WDR7: variants seen among roughly 807,000 people sequenced by gnomAD.
WDR7 encodes WD repeat-containing protein 7.
A neutral mutation model predicts 169.4 loss-of-function variants in WDR7; 46 were observed. The observed-to-expected ratio is 0.27, with a 90% CI of 0.21 to 0.35. The LOEUF (loss-of-function observed/expected upper bound fraction) is 0.35. Ranked by LOEUF, WDR7 falls within the 10% of genes least tolerant of loss-of-function variation. WDR7 has a pLI of 1.00. For synonymous variants in WDR7, 612 were observed against 666.8 expected, an observed-to-expected ratio of 0.92 and a Z score of 1.27; for missense variants, 1,534 against 1,859.3, an observed-to-expected ratio of 0.83 and a Z score of 3.22.
chr18:56,800,829 T>A lies in WDR7; in HGVS notation c.3191-15202T>A, dbSNP rs2044661038. ...GCTCCCTGCTCATCTGTATTTTCCC[T>A]GCCTTCCGTAGAATCAGTCATTTCT... On this transcript the variant is annotated intron_variant, in intron 19 of 27. Transcript: ENST00000254442. Among the ~76,000 whole-genome samples, 4 of 152,342 alleles carry A rather than the reference T, an allele frequency of 2.6e-5. No homozygotes were observed. The South Asian group carries it at 8.3e-4, about 32-fold the overall frequency.
At chr18:56,787,605 G>A (rs968037121) in intron 19 of WDR7, among the ~76,000 whole-genome samples, 2 of 152,026 alleles carry the variant, frequency 1.3e-5, no homozygotes, top group African/African-American at 4.8e-5. Context: ...GGTTAGGCTC[G>A]TCTTTTTATC....
At chr18:56,732,310 T>G (rs1412765997) in intron 14 of WDR7, among the ~76,000 whole-genome samples, 1 of 152,206 alleles carries the variant, frequency 6.6e-6, no homozygotes, top group Admixed American at 6.5e-5. Flanking sequence ...AATGGATAAA[T>G]CAAACCTAGA....
chr18:56,836,419 T>A (rs972086527), intron 20 of WDR7, among the ~76,000 whole-genome samples: 1 of 152,214 alleles, frequency 6.6e-6, no homozygotes, highest in Admixed American at 6.5e-5. Context: ...GCGGATCCTG[T>A]CAGCACATGT....
At chr18:57,013,121 TC>T (rs2048159782) in intron 26 of WDR7, among the ~76,000 whole-genome samples, 1 of 152,098 alleles carries the variant, frequency 6.6e-6, no homozygotes, top group Non-Finnish European at 1.5e-5. Flanking sequence ...ATGAAACTGT[TC>T]CTCCTCAGAT....
At chr18:56,949,156 T>TCTCTCCCTGTC (rs879455948) in intron 25 of WDR7, among the ~76,000 whole-genome samples, 3 of 143,860 alleles carry the variant, frequency 2.1e-5, no homozygotes, top group Admixed American at 6.9e-5. Flanking sequence ...CTCTCTCTCT[T>TCTCTCCCTGTC]TCCCTTTGGC....
At chr18:57,030,534 G>A (rs919564570), downstream of WDR7, 2 of 152,178 alleles carry the variant, frequency 1.3e-5, no homozygotes, top group African/African-American at 2.4e-5. Flanking sequence ...CTGATCAAAT[G>A]TGGAAAGGCG....
At chr18:56,932,874 GGTGTGTGTGTGTGT>G (rs34838445) in intron 22 of WDR7, among the ~76,000 whole-genome samples, 1 of 131,922 alleles carries the variant, frequency 7.6e-6, no homozygotes, top group Non-Finnish European at 1.5e-5. Flanking sequence ...CTTCATTCTG[GGTGTGTGTGTGTGT>G]GTGTGTGTGT....
chr18:56,719,637 G>A (rs2026276183), intron 13 of WDR7, among the ~76,000 whole-genome samples: 1 of 150,416 alleles, frequency 6.6e-6, no homozygotes, highest in East Asian at 1.9e-4. Context: ...GTGTCTTTAT[G>A]TTATGTCCTA....
At chr18:56,767,121 C>G (rs909296498) in intron 16 of WDR7, among the ~76,000 whole-genome samples, 4 of 152,090 alleles carry the variant, frequency 2.6e-5, no homozygotes, top group African/African-American at 9.7e-5. Context: ...TGAATTACTC[C>G]CTATTACTGA....
intron 13 of WDR7, 25 bp from the exon 14 acceptor site, chr18:56,731,358 A>G (rs1249758191): frequency 1.2e-6 from 2 of 1,606,670 alleles, no homozygotes; most frequent in Non-Finnish European, 1.7e-6. Flanking sequence ...GTTATGAAAT[A>G]TTTGTGAATA....
At chr18:56,897,154 C>G (rs2046342582) in intron 21 of WDR7, among the ~76,000 whole-genome samples, 2 of 151,872 alleles carry the variant, frequency 1.3e-5, no homozygotes, top group Non-Finnish European at 2.9e-5. Context: ...CCAACATTAT[C>G]AAGTTTTGTG....
At chr18:56,843,838 G>A (rs886738060) in intron 20 of WDR7, among the ~76,000 whole-genome samples, 3 of 150,016 alleles carry the variant, frequency 2.0e-5, no homozygotes, top group South Asian at 2.1e-4. Context: ...ATCAACACTC[G>A]ATATTTTCTT....
intron 16 of WDR7, among the ~76,000 whole-genome samples, chr18:56,775,525 CTA>C (rs1568187767): frequency 6.6e-6 from 1 of 152,114 alleles, no homozygotes; most frequent in Admixed American, 6.5e-5. Context: ...AAAAGTAGCT[CTA>C]TTTATTTCAT....
At chr18:56,849,595 C>T (rs1335662054) in intron 20 of WDR7, among the ~76,000 whole-genome samples, 2 of 152,166 alleles carry the variant, frequency 1.3e-5, no homozygotes, top group African/African-American at 4.8e-5. Context: ...GATTACCATC[C>T]TAGTTGACAT....
chr18:57,011,201 A>AC (rs150567922), intron 26 of WDR7, among the ~76,000 whole-genome samples: 6 of 151,970 alleles, frequency 3.9e-5, no homozygotes, highest in Admixed American at 6.6e-5. Context: ...TTAATATATA[A>AC]CCCCCCCACA....
At chr18:56,753,392 C>T (rs2043824874) in intron 14 of WDR7, 1 of 152,046 alleles carries the variant, frequency 6.6e-6, no homozygotes, top group Non-Finnish European at 1.5e-5. Flanking sequence ...GTTTAAGACT[C>T]TACAAGATGA....
At chr18:57,017,346 C>CA (rs1212514034) in intron 26 of WDR7, among the ~76,000 whole-genome samples, 1 of 152,136 alleles carries the variant, frequency 6.6e-6, no homozygotes, top group African/African-American at 2.4e-5. Context: ...CTGCAGTCAG[C>CA]ACTCTGTGGT....
intron 26 of WDR7, among the ~76,000 whole-genome samples, chr18:56,987,062 C>T (rs4801069): frequency 0.56 from 85,526 of 151,722 alleles, 24,620 homozygotes; most frequent in Middle Eastern, 0.71. Flanking sequence ...GTTTGAATTC[C>T]CTGTGTCTGA....
At chr18:56,803,105 T>C (rs1329038130) in intron 19 of WDR7, among the ~76,000 whole-genome samples, 1 of 152,208 alleles carries the variant, frequency 6.6e-6, no homozygotes, top group Non-Finnish European at 1.5e-5. Flanking sequence ...TGTCCATATA[T>C]AACACTTCTT....
Sources: allele counts gnomAD v4.1 joint callset (sites outside exome capture counted in the v4.1 genomes callset), GRCh38; gene constraint gnomAD v4.1.1; transcripts MANE v1.5; gene names NCBI Gene and HGNC (gene_info 2026-07-23, HGNC 2026-07-21).